The following BAIAP2 variants were observed in gnomAD, a reference collection of about 807,000 sequenced individuals.
BAIAP2 encodes the protein BAR/IMD domain-containing adapter protein 2.
In BAIAP2, 18 loss-of-function variants were observed where a neutral mutation model predicts 63.0. That is an observed-to-expected ratio of 0.29 (90% CI 0.20 to 0.42). The LOEUF (loss-of-function observed/expected upper bound fraction) is 0.42, where lower values mean the gene tolerates loss of function less well. Among genes scored for constraint, BAIAP2 ranks in the 10% least tolerant of loss-of-function variants. The pLI is 1.00. For synonymous variants in BAIAP2, 386 were observed against 307.6 expected, an observed-to-expected ratio of 1.25 and a Z score of -2.67; for missense variants, 610 against 734.3, an observed-to-expected ratio of 0.83 and a Z score of 1.96.
intron 3 of BAIAP2, among the ~76,000 whole-genome samples, chr17:81,065,031 C>T (rs935075646): frequency 3.9e-5 from 6 of 152,316 alleles, no homozygotes; most frequent in South Asian, 4.1e-4. Flanking sequence ...CTCCGGCAGG[C>T]GTGATTCCGG....
At chr17:81,085,049 CGAAG>C in intron 4 of BAIAP2, 156 bp downstream of exon 4, 2 of 744,820 alleles carry the variant, frequency 2.7e-6, no homozygotes, top group South Asian at 3.2e-5. Context: ...AAGCCACACT[CGAAG>C]GAGGACGTCG....
At chr17:81,057,656 G>T (rs1052789459) in intron 2 of BAIAP2, 1 of 1,339,624 alleles carries the variant, frequency 7.5e-7, no homozygotes, top group African/African-American at 1.5e-5. Context: ...CTGGTACGTT[G>T]TGTTCTTACG....
chr17:81,035,249 A>C lies in BAIAP2; in HGVS notation c.-6A>C. The C allele has an allele frequency of 6.6e-7, 1 of 1,519,358 alleles. No individual in the cohort carries two copies. The highest frequency in any genetic ancestry group is 8.9e-7 in the Non-Finnish European group (1 of 1,129,786). 94.1% of individuals were successfully genotyped at this position (1,519,358 alleles called of 1,614,324 possible). ...CCGGTCTGTGGTGCAGCCGGGACCC[A>C]GGACCATGTCTCTGTCTCGCTCAGA... On this transcript the variant is annotated 5_prime_UTR_variant, in exon 1 of 14. Transcript: ENST00000428708.
chr17:81,057,843 C>T (rs773360907), intron 2 of BAIAP2, 38 bp from the exon 3 acceptor site: 21 of 1,596,718 alleles, frequency 1.3e-5, no homozygotes, highest in African/African-American at 5.4e-5. Context: ...GTCTGTCCCT[C>T]GTGGAGGAAA....
intron 13 of BAIAP2, among the ~76,000 whole-genome samples, chr17:81,114,367 C>T (rs1195398122): frequency 1.1e-4 from 16 of 152,068 alleles, no homozygotes; most frequent in Admixed American, 1.0e-3. Context: ...TGGGTCTAGC[C>T]TGGCAGGCAG....
rs1190262338 is a variant in BAIAP2, at chr17:81,037,007, C to A, written c.54+1699C>A. ...TGCTCTGGGGGACCGACCCCGTGAT[C>A]GTCCTTAATAAAACTCTCCTAACCG... On this transcript the variant is annotated intron_variant, in intron 1 of 13. Coordinates refer to ENST00000428708, the MANE Select transcript of BAIAP2 (RefSeq NM_001144888.2). 10 of 1,476,422 alleles carry A rather than the reference C, an allele frequency of 6.8e-6. No individual in the cohort carries two copies. In the South Asian group the frequency reaches 1.2e-4, roughly 18 times the overall value. The allele number at this position is 1,476,422 out of a possible 1,614,324, so 91.5% of individuals were successfully genotyped here. A position where few individuals can be genotyped will look rare whatever the true frequency, so the allele number is the denominator to read the frequency against.
At chr17:81,106,234 G>T (rs755708858) in intron 11 of BAIAP2, 88 bp downstream of exon 11, 25 of 1,383,482 alleles carry the variant, frequency 1.8e-5, no homozygotes, top group Non-Finnish European at 2.4e-5. Flanking sequence ...GGATTGCTCG[G>T]CTGGGCTTCC....
At chr17:81,100,275 T>A (rs1023749738) in intron 7 of BAIAP2, among the ~76,000 whole-genome samples, 195 bp downstream of exon 7, 24 of 152,144 alleles carry the variant, frequency 1.6e-4, no homozygotes, top group Admixed American at 7.8e-4. Flanking sequence ...TTTTGAAGAC[T>A]CACATTAGAA....
At chr17:81,111,353 C>T (rs559359121) in intron 13 of BAIAP2, among the ~76,000 whole-genome samples, 37 of 152,350 alleles carry the variant, frequency 2.4e-4, no homozygotes, top group African/African-American at 7.2e-4. Context: ...TGGGCTCCTT[C>T]GGGTGTGTGT....
In BAIAP2 at chr17:81,103,946, G is replaced by A. The variant is rs141436998; in HGVS notation, c.904G>A (p.Val302Ile). Reference sequence around the variant, plus strand: ...GGAGAGCACACCCATCATGAACGGCGTCACAGGCCCGGATGGCGAGGACTA... The same window carrying A: ...GGAGAGCACACCCATCATGAACGGCATCACAGGCCCGGATGGCGAGGACTA... ...AQESTPIMNG[V>I]TGPDGEDYSP... Residue 302 changes from valine (V) to isoleucine (I), a missense_variant, in exon 9 of 14, where the codon GTC (valine) becomes ATC (isoleucine). Val to Ile is a conservative substitution (Grantham distance 29). Coordinates refer to ENST00000428708, the MANE Select transcript of BAIAP2 (RefSeq NM_001144888.2). The A allele has an allele frequency of 1.2e-4, 191 of 1,612,930 alleles. No individual in the cohort carries two copies. The highest frequency in any genetic ancestry group is 1.5e-4 in the Non-Finnish European group (173 of 1,180,042).
At chr17:81,102,968 G>A (rs1267015097) in intron 7 of BAIAP2, among the ~76,000 whole-genome samples, 1 of 152,228 alleles carries the variant, frequency 6.6e-6, no homozygotes, top group Non-Finnish European at 1.5e-5. Context: ...TCCCCACTGT[G>A]CTCAGCTGGT....
rs2058904881 is a variant in BAIAP2, at chr17:81,104,635, C to T, written c.1188C>T (p.Phe396=). ...AAGDNSTLLS[F]KEGDLITLLV... ...GGGACAACAGCACCCTCCTGAGCTTCAAGGAGGGTGACCTCATTACCCTGC... is the reference window on the plus strand; with the variant it reads ...GGGACAACAGCACCCTCCTGAGCTTTAAGGAGGGTGACCTCATTACCCTGC... Residue 396 remains phenylalanine, a synonymous_variant, in exon 10 of 14, where the codon TTC becomes TTT. Transcript: ENST00000428708. 1.2e-6 allele frequency: 2 copies of T among 1,611,112 alleles called. No homozygotes were observed. Among genetic ancestry groups the T allele is most frequent in the Non-Finnish European group, 1.7e-6 (2 of 1,179,256 alleles).
chr17:81,096,335 G>T (rs1041678170), intron 6 of BAIAP2, among the ~76,000 whole-genome samples: 5 of 152,204 alleles, frequency 3.3e-5, no homozygotes, highest in African/African-American at 1.2e-4. Flanking sequence ...ATGATGGGGT[G>T]CGTTGGGGGT....
chr17:81,050,111 C>A (rs951298836), intron 1 of BAIAP2, among the ~76,000 whole-genome samples: 1 of 152,206 alleles, frequency 6.6e-6, no homozygotes, highest in African/African-American at 2.4e-5. Context: ...ACCTACAGTG[C>A]GTGCCTGAGG....
intron 3 of BAIAP2, among the ~76,000 whole-genome samples, chr17:81,079,470 A>C (rs932545748): frequency 1.3e-4 from 19 of 151,862 alleles, no homozygotes; most frequent in African/African-American, 4.1e-4. Flanking sequence ...GACTGTGTAG[A>C]CACATCACCC....
chr17:81,078,355 C>T (rs2054038138), intron 3 of BAIAP2, among the ~76,000 whole-genome samples: 1 of 144,934 alleles, frequency 6.9e-6, no homozygotes, highest in Non-Finnish European at 1.5e-5. Flanking sequence ...GGTGCAGGTT[C>T]CACCTCGGAG....
chr17:81,103,823 C>CT, intron 8 of BAIAP2, 84 bp from the exon 9 acceptor site: 1 of 1,591,128 alleles, frequency 6.3e-7, no homozygotes, highest in Non-Finnish European at 8.6e-7. Context: ...GGGGCCCCTG[C>CT]TGAGGGGGCG....
At chr17:81,061,386 A>G (rs978521669) in intron 3 of BAIAP2, among the ~76,000 whole-genome samples, 3 of 152,198 alleles carry the variant, frequency 2.0e-5, no homozygotes, top group African/African-American at 7.2e-5. Context: ...CTGTGGCCAC[A>G]ATCACAATGG....
At chr17:81,098,148 G>T (rs571673457) in intron 6 of BAIAP2, 1 of 1,471,168 alleles carries the variant, frequency 6.8e-7, no homozygotes, top group Non-Finnish European at 9.0e-7. Context: ...GAGGCAGAGA[G>T]CCCTGGGGTT....
Sources: gnomAD v4.1 joint callset for allele counts (sites outside exome capture counted in the v4.1 genomes callset) on GRCh38, gnomAD v4.1.1 for gene constraint, MANE v1.5 for transcripts, NCBI Gene and HGNC (gene_info 2026-07-23, HGNC 2026-07-21) for gene names.